Variants in SLC24A3 observed in about 807,000 individuals in gnomAD.
SLC24A3 encodes sodium/potassium/calcium exchanger 3.
In SLC24A3, 28 loss-of-function variants were observed where a neutral mutation model predicts 75.8. The ratio of observed to expected loss-of-function variants is 0.37; its 90% CI spans 0.27 to 0.51. The LOEUF is 0.51. Among genes scored for constraint, SLC24A3 ranks in the 20% least tolerant of loss-of-function variants. SLC24A3 has a pLI of 0.94. For missense variants in SLC24A3, 663 were observed against 847.8 expected, an observed-to-expected ratio of 0.78 and a Z score of 2.71; for synonymous variants, 372 against 334.1, an observed-to-expected ratio of 1.11 and a Z score of -1.24.
chr20:19,607,540 T>A (rs1374309916), intron 6 of SLC24A3, among the ~76,000 whole-genome samples: 1 of 152,252 alleles, frequency 6.6e-6, no homozygotes, highest in African/African-American at 2.4e-5. Context: ...CCATTTCACC[T>A]GAGTTCTTCT....
intron 16 of SLC24A3, 101 bp downstream of exon 16, chr20:19,717,694 C>T (rs2033058573): frequency 9.5e-6 from 12 of 1,263,388 alleles, no homozygotes; most frequent in Non-Finnish European, 9.2e-6. Flanking sequence ...TGACTGGGTA[C>T]AAGCAACCTC....
At chr20:19,392,371 G>A (rs945125618) in intron 2 of SLC24A3, among the ~76,000 whole-genome samples, 25 of 152,148 alleles carry the variant, frequency 1.6e-4, no homozygotes, top group Non-Finnish European at 2.6e-4. Context: ...TGTTCTATTA[G>A]CGTTTCTTGA....
chr20:19,599,093 C>T (rs911573101), intron 6 of SLC24A3, among the ~76,000 whole-genome samples: 4 of 152,146 alleles, frequency 2.6e-5, no homozygotes, highest in African/African-American at 9.7e-5. Context: ...CTTCTTTCTT[C>T]ATTGTACATA....
intron 2 of SLC24A3, among the ~76,000 whole-genome samples, chr20:19,466,882 A>G (rs1241059153): frequency 6.6e-6 from 1 of 152,224 alleles, no homozygotes; most frequent in South Asian, 2.1e-4. Flanking sequence ...ATTTAAAAAT[A>G]TGATCTGGAT....
intron 3 of SLC24A3, among the ~76,000 whole-genome samples, chr20:19,579,608 A>G (rs2031190419): frequency 6.6e-6 from 1 of 152,244 alleles, no homozygotes; most frequent in African/African-American, 2.4e-5. Flanking sequence ...GAAAAACCAA[A>G]GAGATAAATG....
rs552946965 is a variant in SLC24A3, at chr20:19,482,031, C to G, written c.272-33457C>G. Among the ~76,000 whole-genome samples, 14 of 152,336 alleles carry G rather than the reference C, an allele frequency of 9.2e-5. 1 individual carries two copies. The South Asian group carries it at 2.9e-3, about 32-fold the overall frequency. ...ACTGCAGAGCCAAGCACTTCTTCCT[C>G]TCACCTGGACTCCACCATAGCCCAT... On this transcript the variant is annotated intron_variant, in intron 2 of 16. Transcript: ENST00000328041.
chr20:19,657,773 A>C (rs1019299300), intron 7 of SLC24A3, among the ~76,000 whole-genome samples: 1 of 140,904 alleles, frequency 7.1e-6, no homozygotes, highest in African/African-American at 2.5e-5. Context: ...CAGAGGCTAC[A>C]GGTCGCACGC....
chr20:19,395,931 G>C (rs1568607531), intron 2 of SLC24A3, among the ~76,000 whole-genome samples: 1 of 152,160 alleles, frequency 6.6e-6, no homozygotes. Flanking sequence ...TGGTCTTCTA[G>C]CTGTGAGCCA....
rs531564851 is a variant in SLC24A3 at position 19,662,962 on chromosome 20, G to A, written c.688-2902G>A. Among the ~76,000 whole-genome samples, 7 of 152,262 alleles carry A rather than the reference G, an allele frequency of 4.6e-5. No homozygotes were observed. In the South Asian group the frequency reaches 1.2e-3, roughly 27 times the overall value. Reference sequence around the variant, plus strand: ...CGCCAGTCCTAATTTCCAGTCTTCGGAAGAGGCGATGACCAGCTGCTTGTT... The same window carrying A: ...CGCCAGTCCTAATTTCCAGTCTTCGAAAGAGGCGATGACCAGCTGCTTGTT... On this transcript the variant is annotated intron_variant, in intron 7 of 16. Transcript: ENST00000328041.
intron 2 of SLC24A3, among the ~76,000 whole-genome samples, chr20:19,373,156 T>C (rs1986020215): frequency 6.6e-6 from 1 of 152,150 alleles, no homozygotes; most frequent in South Asian, 2.1e-4. Context: ...TCTCACTTTG[T>C]CTATTCACAC....
chr20:19,366,951 T>G (rs1344812408), intron 2 of SLC24A3, among the ~76,000 whole-genome samples: 6 of 152,106 alleles, frequency 3.9e-5, no homozygotes, highest in Non-Finnish European at 1.5e-5. Context: ...CAACCCCAAG[T>G]GCTCTCTACT....
chr20:19,487,159 T>A (rs1462912385), intron 2 of SLC24A3, among the ~76,000 whole-genome samples: 2 of 152,118 alleles, frequency 1.3e-5, no homozygotes, highest in Non-Finnish European at 2.9e-5. Context: ...TTCTTTAGCG[T>A]CTCCCATAGA....
At chr20:19,243,888 T>G (rs943702007) in intron 1 of SLC24A3, 1 of 152,216 alleles carries the variant, frequency 6.6e-6, no homozygotes, top group Non-Finnish European at 1.5e-5. Context: ...TTGATTCAGA[T>G]GACTATGATC....
intron 1 of SLC24A3, among the ~76,000 whole-genome samples, chr20:19,236,713 G>T (rs1009459237): frequency 6.6e-6 from 1 of 152,138 alleles, no homozygotes; most frequent in Non-Finnish European, 1.5e-5. Flanking sequence ...CTATGATTGC[G>T]CCACTTCACT....
chr20:19,528,829 T>C (rs1200781669), intron 3 of SLC24A3, among the ~76,000 whole-genome samples: 2 of 152,230 alleles, frequency 1.3e-5, no homozygotes, highest in African/African-American at 4.8e-5. Flanking sequence ...TAATGCTTTT[T>C]AGCATCAGAA....
intron 2 of SLC24A3, among the ~76,000 whole-genome samples, chr20:19,347,957 T>C (rs147776259): frequency 6.6e-6 from 1 of 152,366 alleles, no homozygotes; most frequent in Non-Finnish European, 1.5e-5. Context: ...TGTGGAGCTC[T>C]GTGCCTCGCC....
intron 2 of SLC24A3, among the ~76,000 whole-genome samples, chr20:19,330,475 C>T (rs1350311742): frequency 3.3e-5 from 5 of 152,196 alleles, no homozygotes; most frequent in Admixed American, 1.3e-4. Context: ...CTTGAAAGGG[C>T]TCTCACTGGC....
At chr20:19,252,810 G>C (rs1016585147) in intron 1 of SLC24A3, among the ~76,000 whole-genome samples, 2 of 152,158 alleles carry the variant, frequency 1.3e-5, no homozygotes, top group Admixed American at 1.3e-4. Flanking sequence ...GGATCCTCCA[G>C]TGAAGCCTCC....
At position 19,360,927 on chromosome 20, in the gene SLC24A3, C is replaced by T. The variant is rs546187773; in HGVS notation, c.271+79840C>T. 8.8e-4 allele frequency among the ~76,000 whole-genome samples: 134 copies of T among 152,106 alleles called. 1 individual carries two copies. The highest frequency in any genetic ancestry group is 3.1e-3 in the African/African-American group (128 of 41,512). On this transcript the variant is annotated intron_variant, in intron 2 of 16. Transcript: ENST00000328041. The stretch of plus-strand genomic sequence containing the variant: ...CTGCAAGCTCTGCCTCCAGGGTTCA[C>T]GCCGTTCTCCTGCCTCAGCCTCCCG...
Sources: allele counts gnomAD v4.1 joint callset (sites outside exome capture counted in the v4.1 genomes callset), GRCh38; gene constraint gnomAD v4.1.1; transcripts MANE v1.5; gene names NCBI Gene and HGNC (gene_info 2026-07-23, HGNC 2026-07-21).